Variants in RPS6KA5 observed in about 807,000 individuals in gnomAD.
RPS6KA5 encodes the protein ribosomal protein S6 kinase A5, also known as ribosomal protein S6 kinase alpha-5.
In RPS6KA5, 27 loss-of-function variants were observed where a neutral mutation model predicts 85.5. That is an observed-to-expected ratio of 0.32 (90% CI 0.23 to 0.44). RPS6KA5 has a LOEUF of 0.44. Among genes scored for constraint, RPS6KA5 ranks in the 20% least tolerant of loss-of-function variants. The probability of loss-of-function intolerance (pLI) is 1.00; values close to 1 mark genes in which losing one functional copy is unlikely to be tolerated. For missense variants in RPS6KA5, 811 were observed against 980.9 expected (o/e 0.83, Z 2.31); for synonymous variants, 334 against 348.2 (o/e 0.96, Z 0.46).
chr14:90,874,263 T>C (rs2033308717), intron 15 of RPS6KA5, among the ~76,000 whole-genome samples: 1 of 152,156 alleles, frequency 6.6e-6, no homozygotes, highest in Admixed American at 6.5e-5. Flanking sequence ...ACATCAGGGA[T>C]AAGTGCGATA....
chr14:90,987,482 A>C (rs564996668), intron 2 of RPS6KA5, among the ~76,000 whole-genome samples: 1 of 152,284 alleles, frequency 6.6e-6, no homozygotes, highest in South Asian at 2.1e-4. Flanking sequence ...GTTACTCTAA[A>C]TCTGTAGTAA....
intron 5 of RPS6KA5, among the ~76,000 whole-genome samples, chr14:90,926,630 C>T (rs10162363): frequency 0.019 from 2,880 of 148,050 alleles, 72 homozygotes; most frequent in African/African-American, 0.054. Flanking sequence ...AAAAGAGAGA[C>T]ATATATATGT....
intron 1 of RPS6KA5, among the ~76,000 whole-genome samples, chr14:91,037,836 A>G (rs984299264): frequency 1.3e-5 from 2 of 151,924 alleles, no homozygotes; most frequent in African/African-American, 4.8e-5. Context: ...CCGCCAGCCC[A>G]CTCCAGGCAA....
intron 1 of RPS6KA5, among the ~76,000 whole-genome samples, chr14:91,011,445 C>A (rs1308723701): frequency 6.6e-6 from 1 of 151,992 alleles, no homozygotes; most frequent in African/African-American, 2.4e-5. Context: ...GAGATCGCGC[C>A]ACTGCACTCC....
At chr14:91,033,508 A>G (rs1247289338) in intron 1 of RPS6KA5, among the ~76,000 whole-genome samples, 1 of 152,174 alleles carries the variant, frequency 6.6e-6, no homozygotes, top group Admixed American at 6.5e-5. Flanking sequence ...AGGCTGAGGC[A>G]GGAGAATCAC....
intron 5 of RPS6KA5, among the ~76,000 whole-genome samples, chr14:90,940,255 G>C (rs1345766696): frequency 1.3e-5 from 2 of 152,172 alleles, no homozygotes; most frequent in African/African-American, 4.8e-5. Flanking sequence ...GCTGTATTCA[G>C]TAAATAAGGG....
rs2032415252 is a variant in RPS6KA5 at position 90,859,042 on chromosome 14, C to T, written c.*13032G>A. ...GATGAGAGGCTAACGAGCTGAGCAG[C>T]TCTTAGTACTGAGGAGGGAAAGGTT... is the stretch of plus-strand genomic sequence containing the variant. On this transcript the variant is annotated 3_prime_UTR_variant, in exon 17 of 17. Transcript: ENST00000614987. 6.6e-6 allele frequency: 1 copy of T among 152,172 alleles called. No homozygotes were observed. Among genetic ancestry groups the T allele is most frequent in the South Asian group, 2.1e-4 (1 of 4,822 alleles). 9.4% of individuals were successfully genotyped at this position (152,172 alleles called of 1,614,324 possible).
intron 1 of RPS6KA5, among the ~76,000 whole-genome samples, chr14:91,047,949 T>C (rs1467813199): frequency 6.6e-6 from 1 of 152,204 alleles, no homozygotes; most frequent in African/African-American, 2.4e-5. Flanking sequence ...GGCCCTCCTG[T>C]CTCCCTCTTA....
chr14:90,893,971 GTATTTAGAATAGAAT>G (rs1310677128), intron 13 of RPS6KA5: 1 of 837,534 alleles, frequency 1.2e-6, no homozygotes, highest in African/African-American at 1.8e-5. Flanking sequence ...AACTCTTTAA[GTATTTAGAATAGAAT>G]TATATACATT....
At chr14:91,029,273 A>T (rs1186840850) in intron 1 of RPS6KA5, among the ~76,000 whole-genome samples, 2 of 152,192 alleles carry the variant, frequency 1.3e-5, no homozygotes, top group African/African-American at 4.8e-5. Context: ...AAAACTTTTT[A>T]AAAATGTGAG....
Position 90,870,862 on chromosome 14 carries a change from A to C in RPS6KA5, c.*1212T>G, listed in dbSNP as rs1053463. The stretch of plus-strand genomic sequence containing the variant: ...ACGAATTAATTGTATTTTTAAATGC[A>C]GCAATCTTTTAATGAAATGTTTTCA... On this transcript the variant is annotated 3_prime_UTR_variant, in exon 17 of 17. Transcript: ENST00000614987. 7.2e-6 allele frequency: 1 copy of C among 138,764 alleles called. No homozygotes were observed. The highest frequency in any genetic ancestry group is 2.8e-5 in the African/African-American group (1 of 35,900). The allele number at this position is 138,764 out of a possible 1,614,324, so 8.6% of individuals were successfully genotyped here.
intron 1 of RPS6KA5, among the ~76,000 whole-genome samples, chr14:91,054,985 G>A (rs1358971852): frequency 6.6e-6 from 1 of 152,058 alleles, no homozygotes; most frequent in Non-Finnish European, 1.5e-5. Flanking sequence ...ATTTTAAACT[G>A]GGCAAAGGAT....
intron 7 of RPS6KA5, among the ~76,000 whole-genome samples, chr14:90,906,896 T>TGC (rs1313568672): frequency 6.6e-6 from 1 of 152,104 alleles, no homozygotes; most frequent in Non-Finnish European, 1.5e-5. Flanking sequence ...TAAAAGTACC[T>TGC]GCTTCAATGT....
intron 13 of RPS6KA5, 25 bp downstream of exon 13, chr14:90,894,388 C>CA: frequency 6.3e-7 from 1 of 1,575,968 alleles, no homozygotes; most frequent in Non-Finnish European, 8.7e-7. Flanking sequence ...GACTGAATTA[C>CA]GTAAGAGATC....
rs1475519808 is a variant in RPS6KA5, at chr14:90,864,543, T to C, written c.*7531A>G. 2 of 152,224 alleles carry C rather than the reference T, an allele frequency of 1.3e-5. No individual in the cohort carries two copies. Among genetic ancestry groups the C allele is most frequent in the Non-Finnish European group, 2.9e-5 (2 of 68,040 alleles). 9.4% of individuals were successfully genotyped at this position (152,224 alleles called of 1,614,324 possible). The stretch of plus-strand genomic sequence containing the variant: ...AGCAATTAAATAAAAGACTGGTATA[T>C]TGGACTTCATAAAATTTTTGGTCAT... On this transcript the variant is annotated 3_prime_UTR_variant, in exon 17 of 17. Coordinates refer to ENST00000614987, the MANE Select transcript of RPS6KA5 (RefSeq NM_004755.4).
chr14:90,943,404 C>G (rs72697532), intron 4 of RPS6KA5, among the ~76,000 whole-genome samples: 9,440 of 152,108 alleles, frequency 0.062, 407 homozygotes, highest in Non-Finnish European at 0.096. Flanking sequence ...TCCTTGTGCA[C>G]AGGGTCTACC....
intron 1 of RPS6KA5, among the ~76,000 whole-genome samples, chr14:91,059,487 C>G (rs1360911674): frequency 3.3e-5 from 5 of 152,056 alleles, no homozygotes; most frequent in African/African-American, 1.2e-4. Flanking sequence ...CAATACGAGA[C>G]TGGGCTCCAA....
At chr14:90,878,577 C>T (rs1174834544) in intron 14 of RPS6KA5, among the ~76,000 whole-genome samples, 1 of 152,142 alleles carries the variant, frequency 6.6e-6, no homozygotes, top group Non-Finnish European at 1.5e-5. Context: ...CAAAGTTAGT[C>T]CTGTTAATGC....
chr14:91,015,581 T>C (rs1785251282), intron 1 of RPS6KA5, among the ~76,000 whole-genome samples: 1 of 152,192 alleles, frequency 6.6e-6, no homozygotes, highest in Non-Finnish European at 1.5e-5. Flanking sequence ...CATAACCTCA[T>C]TTTTCCACTG....
Sources: allele counts gnomAD v4.1 joint callset (sites outside exome capture counted in the v4.1 genomes callset), GRCh38; gene constraint gnomAD v4.1.1; transcripts MANE v1.5; gene names NCBI Gene and HGNC (gene_info 2026-07-23, HGNC 2026-07-21).